ACACA: variants seen among roughly 807,000 people sequenced by gnomAD.
ACACA encodes the protein acetyl-CoA carboxylase alpha, also known as acetyl-CoA carboxylase 1.
Under a neutral mutation model 296.1 loss-of-function variants are expected in ACACA, and 103 were observed. That is an observed-to-expected ratio of 0.35 (90% CI 0.30 to 0.41). ACACA has a LOEUF of 0.41. Among genes scored for constraint, ACACA ranks in the 10% least tolerant of loss-of-function variants. The probability of loss-of-function intolerance (pLI) is 1.00; values close to 1 mark genes in which losing one functional copy is unlikely to be tolerated. For missense variants in ACACA, 1,554 were observed against 2,989.7 expected (o/e 0.52, Z 11.20); for synonymous variants, 953 against 1,038.6 (o/e 0.92, Z 1.58).
At chr17:37,186,461 G>A (rs970377997) in intron 39 of ACACA, among the ~76,000 whole-genome samples, 1 of 152,124 alleles carries the variant, frequency 6.6e-6, no homozygotes, top group African/African-American at 2.4e-5. Context: ...ACAAATGAAC[G>A]AATAACAGAC....
At chr17:37,162,174 A>G (rs960509666) in intron 41 of ACACA, 124 bp from the exon 42 acceptor site, 7 of 1,031,128 alleles carry the variant, frequency 6.8e-6, no homozygotes, top group Non-Finnish European at 1.0e-5. Context: ...ATTGCTAAAG[A>G]GCCAAACTCC....
chr17:37,214,856 T>C (rs2078914098), intron 29 of ACACA, among the ~76,000 whole-genome samples: 1 of 152,214 alleles, frequency 6.6e-6, no homozygotes. Context: ...GTGCTCCCAC[T>C]GCAGAAACAA....
At chr17:37,388,698 G>T (rs755804849) in intron 1 of ACACA, 8 of 1,612,502 alleles carry the variant, frequency 5.0e-6, no homozygotes, top group South Asian at 1.1e-5. Flanking sequence ...AGAAGAGACA[G>T]AAATGGAGTA....
chr17:37,340,527 A>T (rs1350279543), intron 1 of ACACA, among the ~76,000 whole-genome samples: 1 of 152,246 alleles, frequency 6.6e-6, no homozygotes, highest in Non-Finnish European at 1.5e-5. Flanking sequence ...TTTAAGTTCC[A>T]CAGTTAATTG....
At chr17:37,390,175 T>TATACACACACACAC (rs60788220) in intron 1 of ACACA, among the ~76,000 whole-genome samples, 4 of 44,514 alleles carry the variant, frequency 9.0e-5, no homozygotes, top group African/African-American at 4.7e-4. Context: ...TATATATATA[T>TATACACACACACAC]ACACACACAC....
At chr17:37,370,465 G>A (rs549445259) in intron 1 of ACACA, among the ~76,000 whole-genome samples, 42 of 146,212 alleles carry the variant, frequency 2.9e-4, no homozygotes, top group Non-Finnish European at 4.5e-4. Flanking sequence ...TGGGCAACAC[G>A]GTGAAAACTA....
At chr17:37,187,620 T>G (rs1214296489) in intron 39 of ACACA, among the ~76,000 whole-genome samples, 3 of 152,258 alleles carry the variant, frequency 2.0e-5, no homozygotes, top group Non-Finnish European at 4.4e-5. Flanking sequence ...ACTGACTCAC[T>G]TTCTATTTTT....
At chr17:37,310,721 G>C (rs769527465) in intron 3 of ACACA, among the ~76,000 whole-genome samples, 7 of 146,274 alleles carry the variant, frequency 4.8e-5, no homozygotes, top group Non-Finnish European at 8.9e-5. Context: ...CTTGAACCCA[G>C]AGGCAGAGGT....
rs528307629 is a variant in ACACA, at chr17:37,355,433, GT to G, written c.39-15584del. ...CAGCCAGGTGTGGTGGCAGGCGCCTGTAATCCGAGCTACACGGGAGGCTGAG... is the reference window on the plus strand; with the variant it reads ...CAGCCAGGTGTGGTGGCAGGCGCCTGAATCCGAGCTACACGGGAGGCTGAG... On this transcript the variant is annotated intron_variant, in intron 1 of 55. Coordinates refer to ENST00000616317, the MANE Select transcript of ACACA (RefSeq NM_198834.3). 3.9e-4 allele frequency among the ~76,000 whole-genome samples: 59 copies of G among 151,828 alleles called. No homozygotes were observed. The South Asian group carries it at 0.011, about 30-fold the overall frequency.
intron 3 of ACACA, among the ~76,000 whole-genome samples, chr17:37,287,478 T>A (rs977849948): frequency 6.7e-6 from 1 of 148,318 alleles, no homozygotes; most frequent in African/African-American, 2.5e-5. Context: ...ACACCTGTAA[T>A]CCCAGCACTT....
intron 52 of ACACA, among the ~76,000 whole-genome samples, chr17:37,105,864 CAAAAA>C (rs61529137): frequency 8.7e-6 from 1 of 115,522 alleles, no homozygotes; most frequent in Admixed American, 8.4e-5. Context: ...AACTCTGTCT[CAAAAA>C]AAAAAAAAAA....
intron 10 of ACACA, among the ~76,000 whole-genome samples, chr17:37,270,231 G>A (rs2082008448): frequency 6.6e-6 from 1 of 152,212 alleles, no homozygotes; most frequent in Non-Finnish European, 1.5e-5. Context: ...GGTATAGAGT[G>A]CTGGGACAGC....
Position 37,185,108 on chromosome 17 carries a change from C to T in ACACA, c.4776+3169G>A, listed in dbSNP as rs560012377. Reference sequence around the variant, plus strand: ...CTGCAAAGGCGAATAAGAGAACTTTCTGCAGTGATGTATCTACCACAACTG... The same window carrying T: ...CTGCAAAGGCGAATAAGAGAACTTTTTGCAGTGATGTATCTACCACAACTG... On this transcript the variant is annotated intron_variant, in intron 39 of 55. Transcript: ENST00000616317. Among the ~76,000 whole-genome samples the T allele has an allele frequency of 1.4e-4, 22 of 152,336 alleles. No homozygotes were observed. In the South Asian group the frequency reaches 2.3e-3, roughly 16 times the overall value.
chr17:37,245,145 C>T lies in ACACA; in HGVS notation c.2530G>A (p.Ala844Thr), dbSNP rs745461213. The change falls in exon 20 of 56, where the codon GCA (alanine) becomes ACA (threonine). Residue 844 changes from alanine (A) to threonine (T), a missense_variant. Transcript: ENST00000616317. ...GCIHYVKRPG[A>T]ALDPGCVLAK... ...AGTACACAGCCAGGGTCAAGAGCTG[C>T]TCCAGGTCGCTTGACGTAATGGATA... 8 of 1,614,094 alleles carry T rather than the reference C, an allele frequency of 5.0e-6. No homozygotes were observed. Among genetic ancestry groups the T allele is most frequent in the Admixed American group, 3.3e-5 (2 of 60,004 alleles).
At chr17:37,316,838 C>A (rs1198621622) in intron 3 of ACACA, among the ~76,000 whole-genome samples, 1 of 152,034 alleles carries the variant, frequency 6.6e-6, no homozygotes, top group Admixed American at 6.6e-5. Flanking sequence ...TTTGGGAGGC[C>A]GAGGAGGGTA....
chr17:37,181,197 T>C lies in ACACA; in HGVS notation c.4932+4A>G. The C allele has an allele frequency of 5.6e-6, 9 of 1,614,136 alleles. No individual in the cohort carries two copies. Among genetic ancestry groups the C allele is most frequent in the Non-Finnish European group, 7.6e-6 (9 of 1,179,970 alleles). ...ATGTCAGACCCTCCAGTTAGGCATC[T>C]TACCTGCCGAAACATCTCTGGGATA... On this transcript the variant is annotated splice_donor_region_variant and intron_variant, in intron 40 of 55. Transcript: ENST00000616317.
intron 51 of ACACA, among the ~76,000 whole-genome samples, chr17:37,112,181 T>C (rs1438304588): frequency 6.6e-6 from 1 of 151,990 alleles, no homozygotes; most frequent in African/African-American, 2.4e-5. Flanking sequence ...CCCAGCGCTA[T>C]GGAAATGAGC....
In ACACA at chr17:37,241,475, C is replaced by A. The variant is rs1030495356; in HGVS notation, c.3032+478G>T. Among the ~76,000 whole-genome samples the A allele has an allele frequency of 1.3e-5, 2 of 152,010 alleles. 1 individual carries two copies. The highest frequency in any genetic ancestry group is 4.1e-4 in the South Asian group (2 of 4,826). On this transcript the variant is annotated intron_variant, in intron 23 of 55. Coordinates refer to ENST00000616317, the MANE Select transcript of ACACA (RefSeq NM_198834.3). ...ATCCCAACAGTTTGGGAGGCCGAGG[C>A]GGGTGGGTCATTTGAGCCCAAGAGT...
At chr17:37,203,806 C>G (rs2078380946) in intron 33 of ACACA, among the ~76,000 whole-genome samples, 1 of 152,124 alleles carries the variant, frequency 6.6e-6, no homozygotes. Flanking sequence ...ACCTTGATCA[C>G]TGGCTTTAGG....
Sources: allele counts gnomAD v4.1 joint callset (sites outside exome capture counted in the v4.1 genomes callset), GRCh38; gene constraint gnomAD v4.1.1; transcripts MANE v1.5; gene names NCBI Gene and HGNC (gene_info 2026-07-23, HGNC 2026-07-21).